The following CSNK2A2IP variants were observed in gnomAD, a reference collection of about 807,000 sequenced individuals.
CSNK2A2IP encodes casein kinase II subunit alpha'-interacting protein.
chr3:88,460,089 C>T, the CSNK2A2IP span, among the ~76,000 whole-genome samples: 7 of 151,994 alleles, frequency 4.6e-5, no homozygotes, highest in African/African-American at 1.7e-4. Flanking sequence ...GTTCATATAA[C>T]ATTATAAATA....
At chr3:88,366,463 A>G in the CSNK2A2IP span, among the ~76,000 whole-genome samples, 1 of 152,168 alleles carries the variant, frequency 6.6e-6, no homozygotes, top group Non-Finnish European at 1.5e-5. Flanking sequence ...TGAAATTTTC[A>G]TGTCAACAAA....
chr3:88,378,862 A>G, the CSNK2A2IP span, among the ~76,000 whole-genome samples: 1 of 152,030 alleles, frequency 6.6e-6, no homozygotes, highest in African/African-American at 2.4e-5. Flanking sequence ...TGAATGGATG[A>G]CCATCTGTTA....
At chr3:88,448,897 CAT>C in the CSNK2A2IP span, among the ~76,000 whole-genome samples, 1 of 152,174 alleles carries the variant, frequency 6.6e-6, no homozygotes, top group Non-Finnish European at 1.5e-5. Flanking sequence ...ATGATTTTGA[CAT>C]ATATAAATTC....
At chr3:88,383,161 T>C in the CSNK2A2IP span, among the ~76,000 whole-genome samples, 16 of 152,094 alleles carry the variant, frequency 1.1e-4, no homozygotes, top group Non-Finnish European at 1.9e-4. Context: ...AGATTAAAAA[T>C]AGGGCTCCCA....
At chr3:88,455,779 C>G in the CSNK2A2IP span, among the ~76,000 whole-genome samples, 1 of 151,920 alleles carries the variant, frequency 6.6e-6, no homozygotes, top group Non-Finnish European at 1.5e-5. Context: ...ATTACTAAAA[C>G]TAACATCATG....
the CSNK2A2IP span, among the ~76,000 whole-genome samples, chr3:88,421,605 T>TG: frequency 6.6e-6 from 1 of 152,000 alleles, no homozygotes; most frequent in African/African-American, 2.4e-5. Flanking sequence ...TTAGTGGAGA[T>TG]GGGGTTTTAC....
At chr3:88,455,991 TG>T in the CSNK2A2IP span, among the ~76,000 whole-genome samples, 1 of 151,978 alleles carries the variant, frequency 6.6e-6, no homozygotes, top group Non-Finnish European at 1.5e-5. Flanking sequence ...TTAGTACCTT[TG>T]TTGAAGATTG....
At chr3:88,441,717 T>C in the CSNK2A2IP span, among the ~76,000 whole-genome samples, 2 of 152,198 alleles carry the variant, frequency 1.3e-5, no homozygotes, top group Non-Finnish European at 2.9e-5. Flanking sequence ...CTAGATATAA[T>C]AGTTGTGATT....
the CSNK2A2IP span, among the ~76,000 whole-genome samples, chr3:88,357,735 G>A: frequency 6.8e-6 from 1 of 147,318 alleles, no homozygotes; most frequent in Non-Finnish European, 1.5e-5. Context: ...TTTATGTTTT[G>A]TGTCCTATTC....
At chr3:88,372,079 G>A in the CSNK2A2IP span, among the ~76,000 whole-genome samples, 1 of 151,406 alleles carries the variant, frequency 6.6e-6, no homozygotes, top group African/African-American at 2.4e-5. Flanking sequence ...AACAAAAAGG[G>A]CCAGATATTA....
chr3:88,461,535 A>G, the CSNK2A2IP span, among the ~76,000 whole-genome samples: 4 of 152,334 alleles, frequency 2.6e-5, no homozygotes, highest in East Asian at 5.8e-4. Context: ...CCTGGGCGAC[A>G]GAGCGAGACT....
chr3:88,463,312 C>T, the CSNK2A2IP span, among the ~76,000 whole-genome samples: 2 of 151,368 alleles, frequency 1.3e-5, no homozygotes, highest in East Asian at 1.9e-4. Flanking sequence ...AACCTTGGAC[C>T]CTGAAAAATA....
chr3:88,441,841 CTG>C, the CSNK2A2IP span, among the ~76,000 whole-genome samples: 277 of 152,216 alleles, frequency 1.8e-3, 3 homozygotes, highest in Non-Finnish European at 2.5e-3. Flanking sequence ...ATATGAGTGT[CTG>C]TGTTTTACAG....
At chr3:88,354,734 G>A in the CSNK2A2IP span, among the ~76,000 whole-genome samples, 26 of 152,170 alleles carry the variant, frequency 1.7e-4, no homozygotes, top group African/African-American at 6.3e-4. Flanking sequence ...ATGGAAAAGA[G>A]ATTAGAAAAG....
the CSNK2A2IP span, among the ~76,000 whole-genome samples, chr3:88,423,565 G>A: frequency 6.6e-6 from 1 of 152,090 alleles, no homozygotes; most frequent in South Asian, 2.1e-4. Flanking sequence ...CATGGAAAAA[G>A]CCCATTTCAT....
At chr3:88,354,754 G>T in the CSNK2A2IP span, among the ~76,000 whole-genome samples, 4 of 152,156 alleles carry the variant, frequency 2.6e-5, no homozygotes, top group East Asian at 7.7e-4. Flanking sequence ...GAAACCCCAT[G>T]AGATTGGAAA....
At chr3:88,449,876 G>T in the CSNK2A2IP span, among the ~76,000 whole-genome samples, 1,155 of 122,690 alleles carry the variant, frequency 9.4e-3, 12 homozygotes, top group African/African-American at 0.015. Flanking sequence ...TATATATATA[G>T]AGAGAGAGAG....
chr3:88,340,182 A>T, the CSNK2A2IP span, among the ~76,000 whole-genome samples: 1 of 151,910 alleles, frequency 6.6e-6, no homozygotes, highest in African/African-American at 2.4e-5. Flanking sequence ...TTTTCAAAAG[A>T]AATGGGTACG....
the CSNK2A2IP span, among the ~76,000 whole-genome samples, chr3:88,404,242 C>A: frequency 6.6e-6 from 1 of 152,012 alleles, no homozygotes; most frequent in Non-Finnish European, 1.5e-5. Context: ...CACAGAAACA[C>A]AGTGAAATGT....
Sources: gnomAD v4.1 joint callset for allele counts (sites outside exome capture counted in the v4.1 genomes callset) on GRCh38, gnomAD v4.1.1 for gene constraint, MANE v1.5 for transcripts, NCBI Gene and HGNC (gene_info 2026-07-23, HGNC 2026-07-21) for gene names.